RADIL: variants seen among roughly 807,000 people sequenced by gnomAD.
RADIL encodes ras-associating and dilute domain-containing protein.
RADIL carries 99 observed loss-of-function variants against 97.6 expected under a neutral mutation model. The observed-to-expected ratio is 1.01, with a 90% CI of 0.86 to 1.20. The LOEUF (loss-of-function observed/expected upper bound fraction) is 1.20, where lower values mean the gene tolerates loss of function less well. RADIL is among the 50% of genes most tolerant of loss of function. The probability of loss-of-function intolerance (pLI) is 0.00; values close to 1 mark genes in which losing one functional copy is unlikely to be tolerated. For missense variants in RADIL, 1,765 were observed against 1,498.9 expected, an observed-to-expected ratio of 1.18 and a Z score of -2.93; for synonymous variants, 803 against 691.8, an observed-to-expected ratio of 1.16 and a Z score of -2.52.
rs564698704 is a variant in RADIL at position 4,835,611 on chromosome 7, G to A, written c.784-372C>T. On this transcript the variant is annotated intron_variant, in intron 3 of 14. Coordinates refer to ENST00000399583, the MANE Select transcript of RADIL (RefSeq NM_018059.5). The surrounding 1 kb of genome is among the most constrained non-coding windows in gnomAD (Gnocchi z 5.8). ...AAACTGTGTGGGAGCACTGCCGCCTGTGTGGGAGCACCACCCCCAGTGTGG... is the reference window on the plus strand; with the variant it reads ...AAACTGTGTGGGAGCACTGCCGCCTATGTGGGAGCACCACCCCCAGTGTGG... Among the ~76,000 whole-genome samples the A allele has an allele frequency of 5.9e-5, 9 of 151,712 alleles. No homozygotes were observed. The East Asian group carries it at 1.8e-3, about 30-fold the overall frequency.
intron 2 of RADIL, among the ~76,000 whole-genome samples, chr7:4,848,905 G>A (rs1049817608): frequency 5.3e-5 from 8 of 152,156 alleles, no homozygotes; most frequent in Admixed American, 1.3e-4. Flanking sequence ...TTGGGAGGCC[G>A]AGGCGGGCAG....
At chr7:4,816,708 C>T (rs967557122) in intron 7 of RADIL, among the ~76,000 whole-genome samples, 8 of 152,132 alleles carry the variant, frequency 5.3e-5, no homozygotes, top group Middle Eastern at 3.4e-3. Context: ...GATCTGCTGT[C>T]GGAGGCACAG....
chr7:4,800,227 T>G lies in RADIL; in HGVS notation c.2926A>C (p.Thr976Pro). The change falls in exon 13 of 15, where the codon ACG becomes CCG. Residue 976 changes from threonine (T) to proline (P), a missense_variant. Transcript: ENST00000399583. ...GAGGGGCCTCGTTCCAGCTCCACCG[T>G]GAAGACGTAGCAGAAGTCCTCGGTG... ...SSTEDFCYVF[T>P]VELERGPSGL... 1.9e-6 allele frequency: 3 copies of G among 1,603,564 alleles called. No individual in the cohort carries two copies. Among genetic ancestry groups the G allele is most frequent in the Non-Finnish European group, 2.6e-6 (3 of 1,176,264 alleles).
chr7:4,801,567 G>GGGGGGAACGATCCC (rs1470324893), intron 12 of RADIL, 86 bp downstream of exon 12: 18 of 1,411,110 alleles, frequency 1.3e-5, no homozygotes, highest in Middle Eastern at 2.5e-4. Flanking sequence ...TAGGACCCAA[G>GGGGGGAACGATCCC]GGGGGAACGA....
intron 2 of RADIL, among the ~76,000 whole-genome samples, chr7:4,862,419 C>T (rs746396468): frequency 1.8e-4 from 28 of 152,140 alleles, no homozygotes; most frequent in Non-Finnish European, 3.7e-4. Context: ...GGCAGCATTT[C>T]GAGGTCGACA....
At position 4,824,456 on chromosome 7, in the gene RADIL, G is replaced by C. The variant is rs1036163663; in HGVS notation, c.1455-1902C>G. Among the ~76,000 whole-genome samples the C allele has an allele frequency of 1.3e-5, 2 of 152,232 alleles. No homozygotes were observed. The highest frequency in any genetic ancestry group is 2.4e-5 in the African/African-American group (1 of 41,470). ...GTGAGGGCATCTGGGAAGGGCTGAG[G>C]CCCTGTTTTCCTCCCTGTTCTTTCC... is the stretch of plus-strand genomic sequence containing the variant. On this transcript the variant is annotated intron_variant, in intron 5 of 14. Transcript: ENST00000399583. This position sits in a 1 kb window ranked among gnomAD's most constrained non-coding sequence, Gnocchi z 6.7.
rs1239607249 is a variant in RADIL at position 4,821,673 on chromosome 7, T to C, written c.1615+721A>G. Among the ~76,000 whole-genome samples the C allele has an allele frequency of 6.6e-6, 1 of 152,010 alleles. No individual in the cohort carries two copies. Among genetic ancestry groups the C allele is most frequent in the Non-Finnish European group, 1.5e-5 (1 of 67,994 alleles). ...GAGTTTGAGACCAGCCTGGCAAACA[T>C]GGTGAAACCCCATCTCTACCAAAAA... On this transcript the variant is annotated intron_variant, in intron 6 of 14. Coordinates refer to ENST00000399583, the MANE Select transcript of RADIL (RefSeq NM_018059.5). The surrounding 1 kb of genome is among the most constrained non-coding windows in gnomAD (Gnocchi z 5.2).
rs758111340 is a variant in RADIL, at chr7:4,836,522, G to A, written c.619C>T (p.Pro207Ser). 4 of 1,607,548 alleles carry A rather than the reference G, an allele frequency of 2.5e-6. No homozygotes were observed. Among genetic ancestry groups the A allele is most frequent in the Admixed American group, 3.4e-5 (2 of 59,506 alleles). ...ACTGTGCGGCGCAACCGGGGTGGAG[G>A]AGAGCTCCGGGCATCCCCCAGGGCC... is the stretch of plus-strand genomic sequence containing the variant. Reference protein sequence around the residue: ...TPALGDARSSPPPRLRRTVSE... With the variant: ...TPALGDARSSSPPRLRRTVSE... Residue 207 changes from proline to serine, a missense_variant, in exon 3 of 15, where the codon CCT (proline) becomes TCT (serine). Pro to Ser is a moderately conservative substitution (Grantham distance 74). Coordinates refer to ENST00000399583, the MANE Select transcript of RADIL (RefSeq NM_018059.5).
chr7:4,855,591 C>T (rs1485894531), intron 2 of RADIL, among the ~76,000 whole-genome samples: 2 of 142,894 alleles, frequency 1.4e-5, no homozygotes, highest in Admixed American at 7.3e-5. Flanking sequence ...CTCACCATAC[C>T]TAGACACTGT....
At chr7:4,825,139 G>A (rs1782937888) in intron 5 of RADIL, among the ~76,000 whole-genome samples, 1 of 152,146 alleles carries the variant, frequency 6.6e-6, no homozygotes, top group East Asian at 1.9e-4. Context: ...CACTCGGGGG[G>A]GGACAGCACA....
rs766434976 is a variant in RADIL, at chr7:4,835,256, G to A, written c.784-17C>T. ...CAGGCTGTCCTGAAACAGAGACTCC[G>A]CTCAGGGCAGGCGTAACGCGAGCAG... On this transcript the variant is annotated splice_polypyrimidine_tract_variant and intron_variant, in intron 3 of 14. Transcript: ENST00000399583. The surrounding 1 kb of genome is among the most constrained non-coding windows in gnomAD (Gnocchi z 5.8). The A allele has an allele frequency of 1.2e-6, 2 of 1,604,652 alleles. No homozygotes were observed. The highest frequency in any genetic ancestry group is 2.2e-5 in the South Asian group (2 of 90,808).
At chr7:4,800,431 C>A in intron 12 of RADIL, 121 bp from the exon 13 acceptor site, 2 of 1,080,892 alleles carry the variant, frequency 1.9e-6, no homozygotes, top group Non-Finnish European at 2.5e-6. Context: ...CCTGTGGCTC[C>A]CAGGAGACGC....
At chr7:4,808,256 C>T (rs1429811678) in intron 9 of RADIL, among the ~76,000 whole-genome samples, 2 of 151,240 alleles carry the variant, frequency 1.3e-5, no homozygotes, top group Non-Finnish European at 2.9e-5. Flanking sequence ...ACCCTCCTCT[C>T]TGGAGGGCTT....
At chr7:4,823,959 G>T (rs1010404566) in intron 5 of RADIL, among the ~76,000 whole-genome samples, 3 of 152,238 alleles carry the variant, frequency 2.0e-5, no homozygotes, top group African/African-American at 7.2e-5. Flanking sequence ...CCAGGGTCCT[G>T]GCAGCTCAGA....
intron 6 of RADIL, among the ~76,000 whole-genome samples, chr7:4,820,600 T>C (rs1355988231): frequency 1.3e-5 from 2 of 151,884 alleles, no homozygotes; most frequent in African/African-American, 4.8e-5. Flanking sequence ...GATCCCCACA[T>C]CCCCTTCCCT....
rs118072257 is a variant in RADIL, at chr7:4,842,438, G to T, written c.536-5833C>A. On this transcript the variant is annotated intron_variant, in intron 2 of 14. Transcript: ENST00000399583. The surrounding 1 kb of genome is among the most constrained non-coding windows in gnomAD (Gnocchi z 4.5). The stretch of plus-strand genomic sequence containing the variant: ...CATGCAGCCACAGCCACACGGCTTT[G>T]TCTAGGCCACCCCCCTCCCCTCCTC... 9.8e-5 allele frequency among the ~76,000 whole-genome samples: 15 copies of T among 152,300 alleles called. 1 individual carries two copies. The highest frequency in any genetic ancestry group is 3.3e-4 in the Admixed American group (5 of 15,282).
At chr7:4,863,457 A>C (rs1784067078) in intron 2 of RADIL, among the ~76,000 whole-genome samples, 1 of 152,170 alleles carries the variant, frequency 6.6e-6, no homozygotes, top group African/African-American at 2.4e-5. Flanking sequence ...TTTCTGGTGA[A>C]GCTTGGAATG....
rs774589205 is a variant in RADIL at position 4,866,940 on chromosome 7, G to A, written c.535+10665C>T. ...AGATCGAGAATGGATTGGTTTCCAA[G>A]AACAGTAGGCTGCTATAAAGCCAGG... On this transcript the variant is annotated intron_variant, in intron 2 of 14. Coordinates refer to ENST00000399583, the MANE Select transcript of RADIL (RefSeq NM_018059.5). Among the ~76,000 whole-genome samples, 5 of 152,138 alleles carry A rather than the reference G, an allele frequency of 3.3e-5. No homozygotes were observed. In the South Asian group the frequency reaches 8.3e-4, roughly 25 times the overall value.
At chr7:4,860,218 T>C in intron 2 of RADIL, 1 of 1,614,044 alleles carries the variant, frequency 6.2e-7, no homozygotes, top group Non-Finnish European at 8.5e-7. Context: ...ACATGCTGTT[T>C]TCACAGCCTG....
Sources: allele counts gnomAD v4.1 joint callset (sites outside exome capture counted in the v4.1 genomes callset), GRCh38; gene constraint gnomAD v4.1.1; non-coding constraint Gnocchi (gnomAD v3.1); transcripts MANE v1.5; gene names NCBI Gene and HGNC (gene_info 2026-07-23, HGNC 2026-07-21).